DLGAP2: variants seen among roughly 807,000 people sequenced by gnomAD.
DLGAP2 encodes DLG associated protein 2.
Under a neutral mutation model 100.3 loss-of-function variants are expected in DLGAP2, and 26 were observed. The ratio of observed to expected loss-of-function variants is 0.26; its 90% CI spans 0.19 to 0.36. DLGAP2 has a LOEUF of 0.36. Ranked by LOEUF, DLGAP2 falls within the 10% of genes least tolerant of loss-of-function variation. DLGAP2 has a pLI of 1.00. For missense variants in DLGAP2, 1,858 were observed against 1,453.2 expected (o/e 1.28, Z -4.53); for synonymous variants, 886 against 630.1 (o/e 1.41, Z -6.08).
At chr8:1,045,869 C>A (rs1802499741) in intron 2 of DLGAP2, among the ~76,000 whole-genome samples, 1 of 152,152 alleles carries the variant, frequency 6.6e-6, no homozygotes, top group African/African-American at 2.4e-5. Context: ...CCCCTGGTTG[C>A]TCAGATGTCT....
intron 2 of DLGAP2, among the ~76,000 whole-genome samples, chr8:934,943 A>G (rs1423179994): frequency 1.3e-5 from 2 of 152,140 alleles, no homozygotes; most frequent in East Asian, 3.9e-4. Context: ...CAGCATTCCC[A>G]TAGTCTCCTT....
At chr8:1,435,543 C>T (rs542307414) in intron 3 of DLGAP2, among the ~76,000 whole-genome samples, 198 of 152,234 alleles carry the variant, frequency 1.3e-3, no homozygotes, top group African/African-American at 4.6e-3. Flanking sequence ...GAGGGATGCG[C>T]AGTGCATCTT....
At chr8:1,339,313 A>T (rs192564399) in intron 3 of DLGAP2, among the ~76,000 whole-genome samples, 2 of 150,962 alleles carry the variant, frequency 1.3e-5, no homozygotes, top group Admixed American at 1.3e-4. Flanking sequence ...AGGACCCGGG[A>T]GGGAATGCAG....
intron 3 of DLGAP2, among the ~76,000 whole-genome samples, chr8:1,366,948 A>T (rs956392623): frequency 6.6e-6 from 1 of 151,878 alleles, no homozygotes; most frequent in Non-Finnish European, 1.5e-5. Flanking sequence ...TAGCATTTAC[A>T]TGGCAACCCC....
At chr8:1,599,580 T>C (rs1329238982) in intron 6 of DLGAP2, among the ~76,000 whole-genome samples, 1 of 152,190 alleles carries the variant, frequency 6.6e-6, no homozygotes, top group Non-Finnish European at 1.5e-5. Flanking sequence ...CATATATATT[T>C]AGGATAGTTA....
In DLGAP2 at chr8:1,193,649, C is replaced by T. The variant is rs148987063; in HGVS notation, c.74-65202C>T. On this transcript the variant is annotated intron_variant, in intron 2 of 14. Coordinates refer to ENST00000637795, the MANE Select transcript of DLGAP2 (RefSeq NM_001346810.2). ...GGATACTTAGGTTGCTTCCCTGGCACGGCTGTTTCTGTGAACGATCCCATT... is the reference window on the plus strand; with the variant it reads ...GGATACTTAGGTTGCTTCCCTGGCATGGCTGTTTCTGTGAACGATCCCATT... Among the ~76,000 whole-genome samples, 1,051 of 152,254 alleles carry T rather than the reference C, an allele frequency of 6.9e-3. 9 individuals carry two copies. Among genetic ancestry groups the T allele is most frequent in the African/African-American group, 0.024 (1,000 of 41,550 alleles).
chr8:1,194,779 C>G (rs556802175), intron 2 of DLGAP2, among the ~76,000 whole-genome samples: 94 of 152,302 alleles, frequency 6.2e-4, no homozygotes, highest in African/African-American at 2.2e-3. Context: ...ACCCTCTGTT[C>G]CCTACAGAAG....
At chr8:1,229,186 A>C (rs1327695776) in intron 2 of DLGAP2, among the ~76,000 whole-genome samples, 2 of 152,186 alleles carry the variant, frequency 1.3e-5, no homozygotes, top group East Asian at 1.9e-4. Flanking sequence ...AAAACTATAA[A>C]ATATTGAAAT....
intron 1 of DLGAP2, among the ~76,000 whole-genome samples, chr8:860,209 C>T (rs1374728369): frequency 6.6e-6 from 1 of 152,032 alleles, no homozygotes; most frequent in Non-Finnish European, 1.5e-5. Context: ...TTTCAGGTGG[C>T]CTTCGTTATG....
At chr8:838,553 A>G (rs1309155257) in intron 1 of DLGAP2, among the ~76,000 whole-genome samples, 6 of 152,172 alleles carry the variant, frequency 3.9e-5, no homozygotes, top group African/African-American at 1.4e-4. Context: ...AAGCTTTAAA[A>G]TAAAAAATAT....
At chr8:1,456,769 CTGGTGAAATTGGTTT>C (rs1257534565) in intron 3 of DLGAP2, among the ~76,000 whole-genome samples, 2 of 151,874 alleles carry the variant, frequency 1.3e-5, no homozygotes, top group South Asian at 2.1e-4. Context: ...AGGCTGTGCA[CTGGTGAAATTGGTTT>C]TGCGAGGGAG....
At chr8:1,652,700 C>T (rs1798194594) in intron 8 of DLGAP2, among the ~76,000 whole-genome samples, 1 of 152,168 alleles carries the variant, frequency 6.6e-6, no homozygotes, top group Non-Finnish European at 1.5e-5. Context: ...ATTTTCATTC[C>T]TTATGGAATT....
At chr8:850,053 A>G (rs1585929888) in intron 1 of DLGAP2, among the ~76,000 whole-genome samples, 2 of 142,148 alleles carry the variant, frequency 1.4e-5, no homozygotes, top group South Asian at 4.6e-4. Context: ...ACAGAAGGAG[A>G]CTGTCTAAAA....
intron 1 of DLGAP2, among the ~76,000 whole-genome samples, chr8:889,832 A>G (rs1797997830): frequency 6.6e-6 from 1 of 152,248 alleles, no homozygotes; most frequent in Non-Finnish European, 1.5e-5. Flanking sequence ...AGATTCCATC[A>G]GAGAGGCTGT....
chr8:1,316,814 T>C (rs1281665797), intron 3 of DLGAP2, among the ~76,000 whole-genome samples: 1 of 144,682 alleles, frequency 6.9e-6, no homozygotes, highest in African/African-American at 2.7e-5. Flanking sequence ...CTCGGTAGCG[T>C]TTAAAAATAG....
chr8:1,342,529 G>GA (rs1554446682), intron 3 of DLGAP2, among the ~76,000 whole-genome samples: 1 of 152,208 alleles, frequency 6.6e-6, no homozygotes, highest in Non-Finnish European at 1.5e-5. Flanking sequence ...GGGCCGTGCG[G>GA]CTCAGTCGCA....
rs115112151 is a variant in DLGAP2 at position 912,941 on chromosome 8, T to A, written c.73+4975T>A. On this transcript the variant is annotated intron_variant, in intron 2 of 14. Coordinates refer to ENST00000637795, the MANE Select transcript of DLGAP2 (RefSeq NM_001346810.2). ...CTCTCTGTGTAACTTTCCTGTGGTC[T>A]TTCCCCTCAGTAGCTGCAGTTGCTG... Among the ~76,000 whole-genome samples the A allele has an allele frequency of 6.0e-3, 917 of 152,210 alleles. 8 individuals carry two copies. Among genetic ancestry groups the A allele is most frequent in the African/African-American group, 0.021 (859 of 41,448 alleles).
intron 1 of DLGAP2, among the ~76,000 whole-genome samples, chr8:904,030 G>A (rs1178486398): frequency 6.6e-6 from 1 of 152,218 alleles, no homozygotes; most frequent in Admixed American, 6.5e-5. Flanking sequence ...CAGGCCCTGA[G>A]TGGACAGAGA....
At chr8:1,204,645 T>G (rs13340593) in intron 2 of DLGAP2, among the ~76,000 whole-genome samples, 10,079 of 152,140 alleles carry the variant, frequency 0.066, 520 homozygotes, top group African/African-American at 0.14. Context: ...TGTTGGCTGA[T>G]TCGCCAAAGA....
Sources: allele counts gnomAD v4.1 joint callset (sites outside exome capture counted in the v4.1 genomes callset), GRCh38; gene constraint gnomAD v4.1.1; transcripts MANE v1.5; gene names NCBI Gene and HGNC (gene_info 2026-07-23, HGNC 2026-07-21).